Variants in CFAP210 observed in about 807,000 individuals in gnomAD.
CFAP210 encodes the protein cilia and flagella associated protein 210.
chr2:169,683,811 C>T, the CFAP210 span, among the ~76,000 whole-genome samples: 1 of 151,938 alleles, frequency 6.6e-6, no homozygotes, highest in East Asian at 1.9e-4. Flanking sequence ...GACTCTGACA[C>T]AGGAACAAAC....
At chr2:169,674,795 T>C in the CFAP210 span, 1 of 1,521,376 alleles carries the variant, frequency 6.6e-7, no homozygotes, top group African/African-American at 1.4e-5. Flanking sequence ...TATAGTACTT[T>C]AAGGAAATGA....
At chr2:169,649,226 C>CAGAT in the CFAP210 span, 1 of 1,613,508 alleles carries the variant, frequency 6.2e-7, no homozygotes, top group Non-Finnish European at 8.5e-7. Flanking sequence ...TGTTCTTTAT[C>CAGAT]AGCTTTGCAT....
At chr2:169,655,751 A>G in the CFAP210 span, among the ~76,000 whole-genome samples, 1 of 152,218 alleles carries the variant, frequency 6.6e-6, no homozygotes, top group Non-Finnish European at 1.5e-5. Flanking sequence ...CATAAAAATT[A>G]TTCCACCCCT....
At chr2:169,649,157 A>G in the CFAP210 span, 2 of 1,557,270 alleles carry the variant, frequency 1.3e-6, no homozygotes, top group Non-Finnish European at 1.7e-6. Context: ...TACTAACATA[A>G]TTATAAACAT....
the CFAP210 span, among the ~76,000 whole-genome samples, chr2:169,663,689 A>G: frequency 6.6e-6 from 1 of 152,142 alleles, no homozygotes; most frequent in Non-Finnish European, 1.5e-5. Flanking sequence ...TCATCTGTGC[A>G]GAATAATAAG....
the CFAP210 span, among the ~76,000 whole-genome samples, chr2:169,666,708 C>T: frequency 0.41 from 61,892 of 151,698 alleles, 12,894 homozygotes; most frequent in Non-Finnish European, 0.44. Context: ...CTCTGTAGTA[C>T]GTAATGCTGT....
At chr2:169,665,507 G>T in the CFAP210 span, among the ~76,000 whole-genome samples, 3 of 151,904 alleles carry the variant, frequency 2.0e-5, no homozygotes, top group Non-Finnish European at 4.4e-5. Context: ...CAGAGTTGTT[G>T]CAGGGGAAGG....
chr2:169,682,505 A>C, the CFAP210 span, among the ~76,000 whole-genome samples: 1 of 148,392 alleles, frequency 6.7e-6, no homozygotes, highest in African/African-American at 2.5e-5. Context: ...CACACACACA[A>C]ACTGATTCAA....
chr2:169,691,459 T>G, the CFAP210 span, among the ~76,000 whole-genome samples: 1 of 152,012 alleles, frequency 6.6e-6, no homozygotes, highest in Non-Finnish European at 1.5e-5. Flanking sequence ...TTAGGTCAGT[T>G]GGGGGGGCAG....
the CFAP210 span, among the ~76,000 whole-genome samples, chr2:169,656,964 CAAAAAA>C: frequency 3.0e-4 from 12 of 40,336 alleles, no homozygotes; most frequent in African/African-American, 1.2e-3. Flanking sequence ...GACTCCATCT[CAAAAAA>C]AAAAAAAAAA....
chr2:169,670,169 A>G, the CFAP210 span, among the ~76,000 whole-genome samples: 4 of 152,184 alleles, frequency 2.6e-5, no homozygotes, highest in Non-Finnish European at 5.9e-5. Flanking sequence ...TTACCTATAT[A>G]TAGAAGAAAG....
the CFAP210 span, among the ~76,000 whole-genome samples, chr2:169,656,315 G>C: frequency 6.6e-6 from 1 of 151,404 alleles, no homozygotes; most frequent in South Asian, 2.1e-4. Context: ...GGAAGAAGAG[G>C]AAGAAGAAGA....
the CFAP210 span, among the ~76,000 whole-genome samples, chr2:169,648,855 C>T: frequency 6.6e-6 from 1 of 152,104 alleles, no homozygotes; most frequent in South Asian, 2.1e-4. Context: ...CCTATGAGAT[C>T]GCAATCAACA....
At chr2:169,657,997 A>G in the CFAP210 span, 1 of 152,170 alleles carries the variant, frequency 6.6e-6, no homozygotes. Context: ...AACTTTTCAG[A>G]TAATTAAAAA....
chr2:169,651,154 G>A, the CFAP210 span, among the ~76,000 whole-genome samples: 1 of 149,232 alleles, frequency 6.7e-6, no homozygotes, highest in Non-Finnish European at 1.5e-5. Context: ...TTGAACCTAG[G>A]AGGCGTAGGT....
At chr2:169,665,100 A>C in the CFAP210 span, among the ~76,000 whole-genome samples, 1 of 152,164 alleles carries the variant, frequency 6.6e-6, no homozygotes. Context: ...GTTTCTGAGC[A>C]GGAGGGATTT....
chr2:169,692,492 CAGAG>C, the CFAP210 span, among the ~76,000 whole-genome samples: 6 of 147,368 alleles, frequency 4.1e-5, no homozygotes, highest in African/African-American at 5.0e-5. Context: ...CACACAGAGA[CAGAG>C]AGAGAGAGAG....
the CFAP210 span, among the ~76,000 whole-genome samples, chr2:169,646,992 TA>T: frequency 3.9e-5 from 6 of 152,168 alleles, no homozygotes; most frequent in Non-Finnish European, 8.8e-5. Flanking sequence ...AATGTTGGCA[TA>T]AAATAGTAAC....
chr2:169,679,469 G>A, the CFAP210 span, among the ~76,000 whole-genome samples: 22 of 152,128 alleles, frequency 1.4e-4, no homozygotes, highest in African/African-American at 5.3e-4. Flanking sequence ...ACGAGGTCAG[G>A]ATATCAAGAC....
Sources: allele counts gnomAD v4.1 joint callset (sites outside exome capture counted in the v4.1 genomes callset), GRCh38; gene constraint gnomAD v4.1.1; transcripts MANE v1.5; gene names NCBI Gene and HGNC (gene_info 2026-07-23, HGNC 2026-07-21).